The following CUEDC1 variants were observed in gnomAD, a reference collection of about 807,000 sequenced individuals.
CUEDC1 encodes the protein CUE domain-containing protein 1.
In CUEDC1, 30 loss-of-function variants were observed where a neutral mutation model predicts 43.7. The observed-to-expected ratio is 0.69, with a 90% CI of 0.51 to 0.93. The LOEUF is 0.93. CUEDC1 is among the 40% of genes least tolerant of loss of function. The pLI, the probability that CUEDC1 is intolerant of heterozygous loss-of-function variation, is 0.00. For synonymous variants in CUEDC1, 223 were observed against 223.6 expected (o/e 1.00, Z 0.02); for missense variants, 486 against 549.0 (o/e 0.89, Z 1.15).
At chr17:57,906,264 A>T (rs963395737) in intron 1 of CUEDC1, among the ~76,000 whole-genome samples, 2 of 152,264 alleles carry the variant, frequency 1.3e-5, no homozygotes. Flanking sequence ...ACAATGGAAT[A>T]TTACTCAGCC....
chr17:57,926,243 C>G (rs951172918), intron 1 of CUEDC1, among the ~76,000 whole-genome samples: 1 of 152,146 alleles, frequency 6.6e-6, no homozygotes, highest in Non-Finnish European at 1.5e-5. Flanking sequence ...TCAAGTTCAC[C>G]ATCACCAAAG....
At chr17:57,945,459 C>G (rs1351346028) in intron 1 of CUEDC1, among the ~76,000 whole-genome samples, 1 of 152,210 alleles carries the variant, frequency 6.6e-6, no homozygotes, top group Admixed American at 6.5e-5. Context: ...TATGAACATT[C>G]ATGCAAAGAC....
At chr17:57,920,605 T>A (rs2074688520) in intron 1 of CUEDC1, among the ~76,000 whole-genome samples, 1 of 151,082 alleles carries the variant, frequency 6.6e-6, no homozygotes, top group Non-Finnish European at 1.5e-5. Context: ...AGAAGGCTTT[T>A]TATTATCTGA....
intron 1 of CUEDC1, among the ~76,000 whole-genome samples, chr17:57,932,752 C>T (rs1313273535): frequency 6.6e-6 from 1 of 151,732 alleles, no homozygotes; most frequent in African/African-American, 2.4e-5. Context: ...ATCCCAGCTA[C>T]TTGGGAGGCT....
chr17:57,874,849 G>A (rs1453896639), intron 3 of CUEDC1, among the ~76,000 whole-genome samples: 1 of 152,154 alleles, frequency 6.6e-6, no homozygotes, highest in Admixed American at 6.5e-5. Context: ...TATTTCGGGC[G>A]GGTGGCCGGC....
intron 1 of CUEDC1, among the ~76,000 whole-genome samples, chr17:57,939,533 G>A (rs1281558628): frequency 6.6e-6 from 1 of 151,852 alleles, no homozygotes; most frequent in Non-Finnish European, 1.5e-5. Flanking sequence ...TCCCACCTTG[G>A]CCCCCCAGAG....
chr17:57,885,179 G>A lies in CUEDC1; in HGVS notation c.336+50C>T, dbSNP rs765299731. On this transcript the variant is annotated intron_variant, in intron 2 of 10. Transcript: ENST00000577830. ...CCCGGGCCGTGCCCCTACCTCCGGG[G>A]GGATGCTGTCCTCCAGTGGTGGTTG... is the stretch of plus-strand genomic sequence containing the variant. The A allele has an allele frequency of 4.7e-6, 7 of 1,499,546 alleles. No homozygotes were observed. In the African/African-American group the frequency reaches 8.5e-5, roughly 18 times the overall value. 92.9% of individuals were successfully genotyped at this position (1,499,546 alleles called of 1,614,324 possible). A position where few individuals can be genotyped will look rare whatever the true frequency, so the allele number is the denominator to read the frequency against.
In CUEDC1 at chr17:57,885,525, C is replaced by CGCCGCT. The variant is rs750263459; in HGVS notation, c.34_39dup (p.Ser12_Gly13dup). On this transcript the variant is annotated inframe_insertion, in exon 2 of 11. Transcript: ENST00000577830. ...CCGCGTGCCCCGGCGGTGCCACCCC[C>CGCCGCT]GCCGCTGCCGCTGCTGCTCCGGCGG... The CGCCGCT allele has an allele frequency of 5.0e-6, 7 of 1,389,876 alleles. No individual in the cohort carries two copies. In the South Asian group the frequency reaches 1.1e-4, roughly 23 times the overall value. The allele number at this position is 1,389,876 out of a possible 1,614,324, so 86.1% of individuals were successfully genotyped here.
At chr17:57,867,607 C>T in intron 8 of CUEDC1, 192 bp from the exon 9 acceptor site, 1 of 604,380 alleles carries the variant, frequency 1.7e-6, no homozygotes, top group East Asian at 2.8e-5. Context: ...GGCCCTGACA[C>T]TCTCGCCCAG....
At chr17:57,889,626 C>T (rs779148953) in intron 1 of CUEDC1, among the ~76,000 whole-genome samples, 1 of 152,172 alleles carries the variant, frequency 6.6e-6, no homozygotes, top group South Asian at 2.1e-4. Context: ...GGACACACAG[C>T]GAGTAAAGGC....
intron 2 of CUEDC1, among the ~76,000 whole-genome samples, chr17:57,881,281 C>T (rs2074200869): frequency 6.6e-6 from 1 of 152,278 alleles, no homozygotes; most frequent in Non-Finnish European, 1.5e-5. Context: ...CTGGAATGCA[C>T]TAACGTTCTT....
At chr17:57,927,847 C>T (rs943804709) in intron 1 of CUEDC1, among the ~76,000 whole-genome samples, 1 of 152,258 alleles carries the variant, frequency 6.6e-6, no homozygotes, top group Non-Finnish European at 1.5e-5. Flanking sequence ...TCCCATCTAA[C>T]TTCACAACTA....
In CUEDC1 at chr17:57,871,336, G is replaced by T; in HGVS notation, c.818C>A (p.Ser273Tyr). Reference protein sequence around the residue: ...RLKYESQKSKSSSVAVGNDFG... With the variant: ...RLKYESQKSKYSSVAVGNDFG... ...GTCGTTTCCGACAGCCACGCTGCTGGATTTAGATTTCTGGGATTCGTATTT... is the reference window on the plus strand; with the variant it reads ...GTCGTTTCCGACAGCCACGCTGCTGTATTTAGATTTCTGGGATTCGTATTT... The change falls in exon 6 of 11, where the codon TCC becomes TAC. Residue 273 changes from serine to tyrosine, a missense_variant. Physicochemically the swap from Ser to Tyr is moderately radical, Grantham distance 144. Transcript: ENST00000577830. 6.2e-7 allele frequency: 1 copy of T among 1,614,098 alleles called. No homozygotes were observed. The highest frequency in any genetic ancestry group is 1.1e-5 in the South Asian group (1 of 91,070).
At chr17:57,916,387 C>T (rs2074641168) in intron 1 of CUEDC1, among the ~76,000 whole-genome samples, 1 of 152,268 alleles carries the variant, frequency 6.6e-6, no homozygotes, top group Admixed American at 6.5e-5. Context: ...GCACTGCCCC[C>T]TCCTCCCACT....
intron 1 of CUEDC1, among the ~76,000 whole-genome samples, chr17:57,893,346 G>GGT (rs1456034263): frequency 2.2e-5 from 2 of 89,994 alleles, no homozygotes; most frequent in African/African-American, 3.0e-5. Context: ...AGGCTCTCAG[G>GGT]GTATGTGTGT....
At chr17:57,874,882 G>A (rs889471456) in intron 3 of CUEDC1, among the ~76,000 whole-genome samples, 1 of 152,114 alleles carries the variant, frequency 6.6e-6, no homozygotes, top group Admixed American at 6.5e-5. Flanking sequence ...GGGAAGGGGC[G>A]GGGGCGGCAG....
At chr17:57,897,807 G>A (rs372784495) in intron 1 of CUEDC1, among the ~76,000 whole-genome samples, 3 of 152,084 alleles carry the variant, frequency 2.0e-5, no homozygotes, top group East Asian at 3.9e-4. Context: ...GAGGTCAGGA[G>A]TTTGAGACCA....
At chr17:57,925,983 G>A (rs909771464) in intron 1 of CUEDC1, among the ~76,000 whole-genome samples, 2 of 152,210 alleles carry the variant, frequency 1.3e-5, no homozygotes, top group Non-Finnish European at 2.9e-5. Flanking sequence ...CCCAAGCTGG[G>A]TGGGGAGGCC....
In CUEDC1 at chr17:57,915,391, G is replaced by A. The variant is rs62081765; in HGVS notation, c.-315-29512C>T. Among the ~76,000 whole-genome samples the A allele has an allele frequency of 7.8e-4, 118 of 152,006 alleles. 1 individual carries two copies. The highest frequency in any genetic ancestry group is 1.2e-3 in the Admixed American group (19 of 15,290). On this transcript the variant is annotated intron_variant, in intron 1 of 10. Transcript: ENST00000577830. ...CTAGCTCCCATCTCAAGTGAGGCTT[G>A]TGGACAATGCAAAATCTAAAGTCAA...
Sources: gnomAD v4.1 joint callset for allele counts (sites outside exome capture counted in the v4.1 genomes callset) on GRCh38, gnomAD v4.1.1 for gene constraint, MANE v1.5 for transcripts, NCBI Gene and HGNC (gene_info 2026-07-23, HGNC 2026-07-21) for gene names.